BTD: variants seen among roughly 807,000 people sequenced by gnomAD.
The protein encoded by BTD is biocytinase.
In BTD, 13 loss-of-function variants were observed where a neutral mutation model predicts 17.7. That is an observed-to-expected ratio of 0.74 (90% CI 0.48 to 1.17). The LOEUF is 1.17. Among genes scored for constraint, BTD ranks in the 50% most tolerant of loss-of-function variants. The pLI, the probability that BTD is intolerant of heterozygous loss-of-function variation, is 0.00. For missense variants in BTD, 674 were observed against 650.4 expected, an observed-to-expected ratio of 1.04 and a Z score of -0.39; for synonymous variants, 240 against 245.2, an observed-to-expected ratio of 0.98 and a Z score of 0.20.
At chr3:15,703,231 C>T (rs554189891) in intron 3 of BTD, among the ~76,000 whole-genome samples, 15 of 152,256 alleles carry the variant, frequency 9.9e-5, no homozygotes, top group African/African-American at 3.1e-4. Flanking sequence ...AACCTCTACA[C>T]ACAAAAAACT....
intron 3 of BTD, among the ~76,000 whole-genome samples, chr3:15,702,651 T>C (rs2070781119): frequency 6.6e-6 from 1 of 152,130 alleles, no homozygotes; most frequent in Admixed American, 6.5e-5. Flanking sequence ...CCCTACTATT[T>C]TGAGTTCTGA....
At chr3:15,707,098 A>G (rs1489712936) in intron 3 of BTD, among the ~76,000 whole-genome samples, 2 of 152,224 alleles carry the variant, frequency 1.3e-5, no homozygotes, top group African/African-American at 4.8e-5. Flanking sequence ...AACCGAATAA[A>G]TAATTCTGTT....
intron 1 of BTD, among the ~76,000 whole-genome samples, chr3:15,620,377 G>A (rs1319246925): frequency 1.3e-5 from 2 of 152,082 alleles, no homozygotes; most frequent in African/African-American, 2.4e-5. Context: ...TCCTTGCTAG[G>A]AAAAGAATTT....
chr3:15,613,331 A>G (rs754091403), intron 1 of BTD, among the ~76,000 whole-genome samples: 2 of 151,952 alleles, frequency 1.3e-5, no homozygotes, highest in African/African-American at 2.4e-5. Flanking sequence ...TCAATTCTGT[A>G]TTTCCATTCA....
At chr3:15,720,264 C>T (rs2073564138) in intron 4 of BTD, among the ~76,000 whole-genome samples, 1 of 152,052 alleles carries the variant, frequency 6.6e-6, no homozygotes, top group Admixed American at 6.6e-5. Context: ...AACACACTGA[C>T]AGTTTTTTTT....
At chr3:15,634,925 A>G (rs2065303091) in intron 1 of BTD, among the ~76,000 whole-genome samples, 1 of 152,226 alleles carries the variant, frequency 6.6e-6, no homozygotes. Context: ...TGCAGGGAGA[A>G]TTGTAATTCA....
intron 3 of BTD, among the ~76,000 whole-genome samples, chr3:15,666,087 AC>A (rs1464021213): frequency 6.6e-6 from 1 of 151,998 alleles, no homozygotes; most frequent in Non-Finnish European, 1.5e-5. Flanking sequence ...AAACTATGTT[AC>A]CTCCCCCTTT....
intron 3 of BTD, among the ~76,000 whole-genome samples, chr3:15,643,018 A>G (rs2065568660): frequency 7.1e-6 from 1 of 141,712 alleles, no homozygotes. Context: ...CAGGAGCAAA[A>G]CTCTGCCTCA....
intron 3 of BTD, among the ~76,000 whole-genome samples, chr3:15,703,070 T>C (rs796700961): frequency 2.6e-5 from 4 of 152,154 alleles, no homozygotes; most frequent in African/African-American, 9.7e-5. Context: ...TGCTCTTACA[T>C]ATATATACAC....
chr3:15,677,081 A>C (rs1346502079), intron 3 of BTD: 4 of 1,589,404 alleles, frequency 2.5e-6, no homozygotes, highest in Non-Finnish European at 3.5e-6. Context: ...GATAAGTTAT[A>C]AAAACTTGAG....
intron 3 of BTD, among the ~76,000 whole-genome samples, chr3:15,659,607 A>G (rs757609598): frequency 6.6e-6 from 1 of 152,214 alleles, no homozygotes. Flanking sequence ...GAGGACCCAG[A>G]CTAACAGAGT....
At chr3:15,624,170 A>G (rs1437798776) in intron 1 of BTD, among the ~76,000 whole-genome samples, 1 of 152,112 alleles carries the variant, frequency 6.6e-6, no homozygotes, top group Non-Finnish European at 1.5e-5. Flanking sequence ...TGTAATTTGA[A>G]TATGATTTGC....
At chr3:15,601,542 A>G (rs889738508), upstream of BTD, 3 of 1,605,546 alleles carry the variant, frequency 1.9e-6, no homozygotes, top group Non-Finnish European at 2.5e-6. Context: ...CGAAATCGGC[A>G]GCACGCCACC....
chr3:15,696,555 A>C (rs1318323049), intron 3 of BTD, among the ~76,000 whole-genome samples: 1 of 152,104 alleles, frequency 6.6e-6, no homozygotes, highest in African/African-American at 2.4e-5. Flanking sequence ...CTATTCTACT[A>C]AACAATGTTG....
Position 15,647,639 on chromosome 3 carries a change from T to C in BTD, c.*2151T>C, listed in dbSNP as rs927493634. ...AAATAAATCATTTTCAGGGAAAAAA[T>C]ATATCTATGACTAATGGTTGTGATT... On this transcript the variant is annotated 3_prime_UTR_variant, in exon 4 of 4. Transcript: ENST00000643237. 4 of 152,086 alleles carry C rather than the reference T, an allele frequency of 2.6e-5. No homozygotes were observed. The highest frequency in any genetic ancestry group is 9.7e-5 in the African/African-American group (4 of 41,398). 9.4% of individuals were successfully genotyped at this position (152,086 alleles called of 1,614,324 possible). A position where few individuals can be genotyped will look rare whatever the true frequency, so the allele number is the denominator to read the frequency against.
chr3:15,719,835 G>A (rs1015045818), intron 4 of BTD, among the ~76,000 whole-genome samples: 7 of 152,114 alleles, frequency 4.6e-5, no homozygotes, highest in African/African-American at 1.7e-4. Context: ...GATTACAAGC[G>A]TGAGCCAGAC....
chr3:15,642,107 T>G, intron 3 of BTD, 50 bp downstream of exon 3: 1 of 1,610,104 alleles, frequency 6.2e-7, no homozygotes. Context: ...AGAGGTGATC[T>G]AAGTCAGGGA....
intron 1 of BTD, among the ~76,000 whole-genome samples, chr3:15,608,293 T>C (rs2064514924): frequency 6.6e-6 from 1 of 152,242 alleles, no homozygotes. Context: ...TTTGTGTTCA[T>C]CCATTATGGG....
chr3:15,638,799 T>G (rs2065426583), intron 2 of BTD, among the ~76,000 whole-genome samples: 1 of 152,238 alleles, frequency 6.6e-6, no homozygotes, highest in African/African-American at 2.4e-5. Flanking sequence ...GGCCCATTGT[T>G]CCTAGGCTAT....
Sources: allele counts gnomAD v4.1 joint callset (sites outside exome capture counted in the v4.1 genomes callset), GRCh38; gene constraint gnomAD v4.1.1; transcripts MANE v1.5; gene names NCBI Gene and HGNC (gene_info 2026-07-23, HGNC 2026-07-21).